The following SYNPR variants were observed in gnomAD, a reference collection of about 807,000 sequenced individuals.
SYNPR encodes the protein synaptoporin.
In SYNPR, 23 loss-of-function variants were observed where a neutral mutation model predicts 32.9. The ratio of observed to expected loss-of-function variants is 0.70; its 90% CI spans 0.50 to 0.99. SYNPR has a LOEUF of 0.99. Ranked by LOEUF, SYNPR falls within the 50% of genes least tolerant of loss-of-function variation. The probability of loss-of-function intolerance (pLI) is 0.00; values close to 1 mark genes in which losing one functional copy is unlikely to be tolerated. For synonymous variants in SYNPR, 146 were observed against 135.9 expected (o/e 1.07, Z -0.52); for missense variants, 318 against 349.3 (o/e 0.91, Z 0.71).
intron 2 of SYNPR, among the ~76,000 whole-genome samples, chr3:63,329,487 A>G (rs1272585990): frequency 1.3e-5 from 2 of 152,174 alleles, no homozygotes; most frequent in Non-Finnish European, 2.9e-5. Flanking sequence ...AATTGGAGAA[A>G]ATGGAATGAG....
At chr3:63,249,607 C>T (rs963253144) in intron 1 of SYNPR, among the ~76,000 whole-genome samples, 5 of 151,900 alleles carry the variant, frequency 3.3e-5, no homozygotes, top group East Asian at 1.9e-4. Context: ...GTACACTGCT[C>T]GGGTGATGGG....
At chr3:63,544,239 T>G (rs1422272500) in intron 3 of SYNPR, among the ~76,000 whole-genome samples, 2 of 152,136 alleles carry the variant, frequency 1.3e-5, no homozygotes, top group African/African-American at 4.8e-5. Context: ...TGACATTATA[T>G]GTGCTGACGA....
intron 2 of SYNPR, among the ~76,000 whole-genome samples, chr3:63,415,041 A>G (rs187141689): frequency 6.6e-6 from 1 of 152,366 alleles, no homozygotes; most frequent in Admixed American, 6.5e-5. Context: ...GTTCACTATT[A>G]AAAAGTAAAT....
intron 3 of SYNPR, among the ~76,000 whole-genome samples, chr3:63,487,353 G>T (rs902979792): frequency 6.6e-6 from 1 of 151,998 alleles, no homozygotes; most frequent in Non-Finnish European, 1.5e-5. Flanking sequence ...CAGAAACAAT[G>T]TTACCTATTT....
At chr3:63,211,129 C>T in the SYNPR span, among the ~76,000 whole-genome samples, 4 of 152,076 alleles carry the variant, frequency 2.6e-5, no homozygotes, top group Non-Finnish European at 4.4e-5. Flanking sequence ...AGTGCAGTGG[C>T]GCGATCTTGG....
chr3:63,260,006 C>A (rs532753630), intron 2 of SYNPR, among the ~76,000 whole-genome samples: 96 of 152,290 alleles, frequency 6.3e-4, no homozygotes, highest in Middle Eastern at 3.4e-3. Flanking sequence ...AGGAATCCAA[C>A]TTACAAGGGA....
At chr3:63,550,425 C>T (rs576487928) in intron 3 of SYNPR, among the ~76,000 whole-genome samples, 2 of 151,680 alleles carry the variant, frequency 1.3e-5, no homozygotes, top group Non-Finnish European at 2.9e-5. Context: ...ATATTTTACC[C>T]AGTATGGCTG....
chr3:63,354,562 A>T (rs2087550237), intron 2 of SYNPR, among the ~76,000 whole-genome samples: 1 of 152,222 alleles, frequency 6.6e-6, no homozygotes. Context: ...GTATCCTTGG[A>T]TCCCTTAGTA....
At chr3:63,556,395 T>C (rs1295727567) in intron 3 of SYNPR, 148 bp from the exon 4 acceptor site, 2 of 607,540 alleles carry the variant, frequency 3.3e-6, no homozygotes, top group Admixed American at 3.1e-5. Context: ...AGCTATAATG[T>C]CTGTAAATTT....
intron 2 of SYNPR, among the ~76,000 whole-genome samples, chr3:63,282,238 A>G (rs1457854415): frequency 1.3e-5 from 2 of 152,194 alleles, no homozygotes; most frequent in Non-Finnish European, 2.9e-5. Flanking sequence ...GTGATATCAA[A>G]CATAAAAGAC....
intron 2 of SYNPR, among the ~76,000 whole-genome samples, chr3:63,463,452 A>G (rs1318411594): frequency 1.3e-5 from 2 of 152,160 alleles, no homozygotes; most frequent in African/African-American, 2.4e-5. Context: ...TGGAAATAGT[A>G]GCTGCCCCAA....
In SYNPR at chr3:63,616,468, C is replaced by G. The variant is rs991399601; in HGVS notation, c.*987C>G. The stretch of plus-strand genomic sequence containing the variant: ...GAATATTCTGTAGAACCTCTACTAC[C>G]AGCTATATTTTTAAATCCTGTTTAT... On this transcript the variant is annotated 3_prime_UTR_variant, in exon 6 of 6. Coordinates refer to ENST00000478300, the MANE Select transcript of SYNPR (RefSeq NM_001130003.2). The G allele has an allele frequency of 1.3e-5, 2 of 152,530 alleles. No individual in the cohort carries two copies. The highest frequency in any genetic ancestry group is 2.9e-5 in the Non-Finnish European group (2 of 68,028). 9.4% of individuals were successfully genotyped at this position (152,530 alleles called of 1,614,324 possible). A position where few individuals can be genotyped will look rare whatever the true frequency, so the allele number is the denominator to read the frequency against.
At chr3:63,430,934 T>A (rs957214511) in intron 2 of SYNPR, among the ~76,000 whole-genome samples, 2 of 152,180 alleles carry the variant, frequency 1.3e-5, no homozygotes, top group Admixed American at 6.5e-5. Flanking sequence ...GGGTGACAAC[T>A]GAGCTGGGTT....
intron 2 of SYNPR, among the ~76,000 whole-genome samples, chr3:63,351,970 C>T (rs2087516188): frequency 6.6e-6 from 1 of 152,096 alleles, no homozygotes; most frequent in South Asian, 2.1e-4. Context: ...AGCATGGGTG[C>T]TGTGGGGCAA....
intron 2 of SYNPR, among the ~76,000 whole-genome samples, chr3:63,394,549 C>A (rs2088187766): frequency 6.6e-6 from 1 of 151,624 alleles, no homozygotes; most frequent in African/African-American, 2.4e-5. Flanking sequence ...TTTTTTCCTT[C>A]AAAATGGCAA....
intron 1 of SYNPR, among the ~76,000 whole-genome samples, chr3:63,235,980 A>C (rs1264925774): frequency 6.6e-6 from 1 of 151,898 alleles, no homozygotes; most frequent in Non-Finnish European, 1.5e-5. Context: ...ATTTTTTTCC[A>C]AAAAGTTTTA....
At chr3:63,555,425 T>C (rs1294117057) in intron 3 of SYNPR, among the ~76,000 whole-genome samples, 1 of 152,016 alleles carries the variant, frequency 6.6e-6, no homozygotes, top group African/African-American at 2.4e-5. Context: ...TCCCTAATTA[T>C]CATTTCTGAA....
intron 3 of SYNPR, among the ~76,000 whole-genome samples, chr3:63,502,885 T>C (rs560151283): frequency 6.6e-6 from 1 of 152,164 alleles, no homozygotes; most frequent in Non-Finnish European, 1.5e-5. Context: ...CAAAAGGACA[T>C]CTAAGTTGCT....
At chr3:63,613,503 C>T (rs80091793) in intron 5 of SYNPR, among the ~76,000 whole-genome samples, 5,733 of 146,260 alleles carry the variant, frequency 0.039, 375 homozygotes, top group African/African-American at 0.14. Flanking sequence ...GAGGTCTGTA[C>T]AAACCAGTCT....
Sources: allele counts gnomAD v4.1 joint callset (sites outside exome capture counted in the v4.1 genomes callset), GRCh38; gene constraint gnomAD v4.1.1; transcripts MANE v1.5; gene names NCBI Gene and HGNC (gene_info 2026-07-23, HGNC 2026-07-21).